Variants in LSM14A observed in about 807,000 individuals in gnomAD.
LSM14A encodes LSM14A mRNA processing body assembly factor.
LSM14A carries 14 observed loss-of-function variants against 52.4 expected under a neutral mutation model. That is an observed-to-expected ratio of 0.27 (90% CI 0.18 to 0.42). The LOEUF (loss-of-function observed/expected upper bound fraction) is 0.42, where lower values mean the gene tolerates loss of function less well. LSM14A is among the 10% of genes least tolerant of loss of function. LSM14A has a pLI of 1.00. For missense variants in LSM14A, 417 were observed against 581.8 expected (o/e 0.72, Z 2.91); for synonymous variants, 185 against 200.3 (o/e 0.92, Z 0.64).
chr19:34,216,240 C>T (rs969985617), intron 6 of LSM14A, among the ~76,000 whole-genome samples: 6 of 151,878 alleles, frequency 4.0e-5, no homozygotes, highest in East Asian at 1.9e-4. Flanking sequence ...GGTGAAACCC[C>T]GTCTCCACTA....
chr19:34,177,398 A>G (rs546745337), intron 1 of LSM14A, among the ~76,000 whole-genome samples: 5 of 152,332 alleles, frequency 3.3e-5, no homozygotes, highest in African/African-American at 1.2e-4. Flanking sequence ...ATATTTAGTA[A>G]GGGATTCACT....
intron 6 of LSM14A, 134 bp from the exon 7 acceptor site, chr19:34,219,257 C>T (rs1337392361): frequency 2.1e-6 from 1 of 473,558 alleles, no homozygotes. Flanking sequence ...AATACAAATA[C>T]AATAAAATAT....
At chr19:34,211,786 TC>T (rs199940358) in intron 4 of LSM14A, among the ~76,000 whole-genome samples, 41 of 144,836 alleles carry the variant, frequency 2.8e-4, no homozygotes, top group Middle Eastern at 3.6e-3. Flanking sequence ...CAAGACCCTG[TC>T]CCCCCCCAAA....
intron 4 of LSM14A, 87 bp downstream of exon 4, chr19:34,209,138 TA>T (rs2071939555): frequency 1.7e-6 from 2 of 1,156,488 alleles, no homozygotes; most frequent in African/African-American, 3.1e-5. Flanking sequence ...TTGCAGCTTG[TA>T]AATCGCGTGT....
At chr19:34,207,390 TC>T (rs1337860269) in intron 3 of LSM14A, among the ~76,000 whole-genome samples, 1 of 152,052 alleles carries the variant, frequency 6.6e-6, no homozygotes, top group East Asian at 1.9e-4. Context: ...AAAGCGCTAG[TC>T]CCCACATTAC....
intron 4 of LSM14A, 85 bp downstream of exon 4, chr19:34,209,136 T>G (rs1005813376): frequency 7.6e-6 from 9 of 1,189,738 alleles, no homozygotes; most frequent in Non-Finnish European, 1.0e-5. Context: ...TTTTGCAGCT[T>G]GTAAATCGCG....
chr19:34,192,368 C>G (rs995190924), intron 1 of LSM14A, among the ~76,000 whole-genome samples: 63 of 110,966 alleles, frequency 5.7e-4, no homozygotes, highest in Non-Finnish European at 1.1e-3. Context: ...TTCTGTCACC[C>G]AGGCTGGAGT....
intron 9 of LSM14A, 187 bp downstream of exon 9, chr19:34,221,925 T>C: frequency 8.3e-7 from 1 of 1,210,860 alleles, no homozygotes; most frequent in African/African-American, 1.5e-5. Context: ...AAAAAGACAG[T>C]ATAGTATCAC....
chr19:34,215,949 A>C (rs892042981), intron 6 of LSM14A, among the ~76,000 whole-genome samples: 1 of 152,158 alleles, frequency 6.6e-6, no homozygotes, highest in African/African-American at 2.4e-5. Flanking sequence ...TAGTTTAGTT[A>C]ATTAGATTGT....
intron 1 of LSM14A, among the ~76,000 whole-genome samples, 196 bp downstream of exon 1, chr19:34,172,959 G>T (rs933318792): frequency 6.6e-6 from 1 of 152,218 alleles, no homozygotes; most frequent in African/African-American, 2.4e-5. Context: ...CCGCCCCCCG[G>T]AATGTCCGCG....
chr19:34,179,805 A>C (rs1413535058), intron 1 of LSM14A, among the ~76,000 whole-genome samples: 1 of 152,230 alleles, frequency 6.6e-6, no homozygotes, highest in Non-Finnish European at 1.5e-5. Context: ...AGATAGTTTA[A>C]CTTGAATTTA....
chr19:34,206,203 C>G (rs988627068), intron 3 of LSM14A, among the ~76,000 whole-genome samples: 2 of 152,138 alleles, frequency 1.3e-5, no homozygotes, highest in South Asian at 2.1e-4. Flanking sequence ...TTTCACTAAT[C>G]TTACACAAAC....
intron 4 of LSM14A, among the ~76,000 whole-genome samples, chr19:34,214,057 A>G (rs2072373135): frequency 6.6e-6 from 1 of 152,156 alleles, no homozygotes; most frequent in Non-Finnish European, 1.5e-5. Context: ...TGCTGGGATT[A>G]TAGGTGTGAG....
At chr19:34,177,919 A>G (rs1189551220) in intron 1 of LSM14A, among the ~76,000 whole-genome samples, 1 of 152,142 alleles carries the variant, frequency 6.6e-6, no homozygotes, top group Non-Finnish European at 1.5e-5. Context: ...CCAGCACTTC[A>G]GGAAGCTGAG....
intron 3 of LSM14A, among the ~76,000 whole-genome samples, chr19:34,202,100 C>A (rs2071333268): frequency 1.3e-5 from 2 of 151,722 alleles, no homozygotes; most frequent in Admixed American, 6.6e-5. Context: ...ACCACCATGC[C>A]CACCCTTATT....
chr19:34,219,407 A>C lies in LSM14A; in HGVS notation c.798A>C (p.Ser266=). 1 of 1,608,356 alleles carries C rather than the reference A, an allele frequency of 6.2e-7. No individual in the cohort carries two copies. The highest frequency in any genetic ancestry group is 8.5e-7 in the Non-Finnish European group (1 of 1,178,002). ...TTATCATAGCTCCAGGTGCTCCTTCAGCTCCAAGGAGAGGGCGTGGGGGTC... is the reference window on the plus strand; with the variant it reads ...TTATCATAGCTCCAGGTGCTCCTTCCGCTCCAAGGAGAGGGCGTGGGGGTC... ...NKRQVAPGAP[S]APRRGRGGHR... The change falls in exon 7 of 10, where the codon TCA becomes TCC. Residue 266 remains serine, a synonymous_variant. Coordinates refer to ENST00000544216, the MANE Select transcript of LSM14A (RefSeq NM_015578.4).
intron 4 of LSM14A, among the ~76,000 whole-genome samples, chr19:34,213,161 A>T (rs960328144): frequency 6.8e-6 from 1 of 146,708 alleles, no homozygotes; most frequent in Non-Finnish European, 1.5e-5. Flanking sequence ...GTCCCTAAAA[A>T]ACAAAAAACA....
chr19:34,216,142 A>C (rs1436106063), intron 6 of LSM14A, among the ~76,000 whole-genome samples: 1 of 152,154 alleles, frequency 6.6e-6, no homozygotes, highest in Non-Finnish European at 1.5e-5. Context: ...GGCCCGGCAC[A>C]GTGGCTCACG....
intron 1 of LSM14A, among the ~76,000 whole-genome samples, chr19:34,183,958 C>T (rs761193146): frequency 6.6e-6 from 1 of 152,154 alleles, no homozygotes; most frequent in Non-Finnish European, 1.5e-5. Flanking sequence ...ATTCCATCAA[C>T]TCAAGAAGCT....
Sources: allele counts gnomAD v4.1 joint callset (sites outside exome capture counted in the v4.1 genomes callset), GRCh38; gene constraint gnomAD v4.1.1; transcripts MANE v1.5; gene names NCBI Gene and HGNC (gene_info 2026-07-23, HGNC 2026-07-21).